Variants in RABGAP1L observed in about 807,000 individuals in gnomAD.
RABGAP1L encodes RAB GTPase activating protein 1 like.
Under a neutral mutation model 137.7 loss-of-function variants are expected in RABGAP1L, and 63 were observed. The observed-to-expected ratio is 0.46, with a 90% CI of 0.37 to 0.56. RABGAP1L has a LOEUF of 0.56. Ranked by LOEUF, RABGAP1L falls within the 20% of genes least tolerant of loss-of-function variation. The probability of loss-of-function intolerance (pLI) is 0.00; values close to 1 mark genes in which losing one functional copy is unlikely to be tolerated. For missense variants in RABGAP1L, 1,095 were observed against 1,244.0 expected (o/e 0.88, Z 1.80); for synonymous variants, 431 against 433.7 (o/e 0.99, Z 0.08).
chr1:174,874,578 CTTTTTTTTTT>C (rs10530813), intron 19 of RABGAP1L: 411 of 232,798 alleles, frequency 1.8e-3, no homozygotes, highest in Non-Finnish European at 2.0e-3. Context: ...ACACCACTGC[CTTTTTTTTTT>C]TTTTTTTTTT....
chr1:174,451,325 A>C lies in RABGAP1L; in HGVS notation c.1710+57180A>C, dbSNP rs146491238. Among the ~76,000 whole-genome samples, 865 of 152,342 alleles carry C rather than the reference A, an allele frequency of 5.7e-3. 4 individuals are homozygous for C. The highest frequency in any genetic ancestry group is 0.013 in the South Asian group (63 of 4,828). On this transcript the variant is annotated intron_variant, in intron 13 of 25. Coordinates refer to ENST00000681986, the MANE Select transcript of RABGAP1L (RefSeq NM_001366446.1). ...ATTTCTTTAAGGTATAAATATAGTT[A>C]GAAAGGACCCAGTGGATTCTGTGTA...
At chr1:174,329,050 A>C (rs528118405) in intron 11 of RABGAP1L, among the ~76,000 whole-genome samples, 47 of 151,102 alleles carry the variant, frequency 3.1e-4, no homozygotes, top group Admixed American at 5.9e-4. Flanking sequence ...AAAAAAAAAA[A>C]CCCAGGAAAC....
chr1:174,780,839 C>T (rs536712800), intron 18 of RABGAP1L, among the ~76,000 whole-genome samples: 13 of 147,708 alleles, frequency 8.8e-5, no homozygotes, highest in South Asian at 4.3e-4. Flanking sequence ...TTTGTTCTTG[C>T]GACAGTTTGC....
chr1:174,821,353 AATG>A (rs139730875), intron 19 of RABGAP1L, among the ~76,000 whole-genome samples: 486 of 152,286 alleles, frequency 3.2e-3, no homozygotes, highest in African/African-American at 0.011. Flanking sequence ...GGTAGCTACC[AATG>A]ATAAGATGTT....
intron 14 of RABGAP1L, among the ~76,000 whole-genome samples, chr1:174,672,782 A>G (rs333438): frequency 0.37 from 56,065 of 151,926 alleles, 13,555 homozygotes; most frequent in African/African-American, 0.69. Flanking sequence ...TCCTCCTGTT[A>G]CTGATTTCTA....
At chr1:174,456,208 A>G (rs1255845851) in intron 13 of RABGAP1L, among the ~76,000 whole-genome samples, 1 of 152,072 alleles carries the variant, frequency 6.6e-6, no homozygotes, top group African/African-American at 2.4e-5. Flanking sequence ...CAGTGTTTTA[A>G]TATTTCTTTT....
chr1:174,508,868 G>A (rs1662073636), intron 13 of RABGAP1L, among the ~76,000 whole-genome samples: 1 of 151,816 alleles, frequency 6.6e-6, no homozygotes, highest in South Asian at 2.1e-4. Flanking sequence ...TATTGTTTCT[G>A]TATAATAAGC....
At chr1:174,750,245 G>A (rs548890854) in intron 17 of RABGAP1L, among the ~76,000 whole-genome samples, 2 of 152,166 alleles carry the variant, frequency 1.3e-5, no homozygotes, top group African/African-American at 2.4e-5. Flanking sequence ...GGTGTTTGCT[G>A]TCTGTCTTAG....
intron 17 of RABGAP1L, among the ~76,000 whole-genome samples, chr1:174,712,382 C>T (rs1272819579): frequency 6.6e-6 from 1 of 152,118 alleles, no homozygotes; most frequent in African/African-American, 2.4e-5. Context: ...AGTGAGACCA[C>T]GAACCCACTG....
chr1:174,236,531 G>A (rs1171711031), intron 4 of RABGAP1L, among the ~76,000 whole-genome samples: 1 of 150,806 alleles, frequency 6.6e-6, no homozygotes, highest in East Asian at 1.9e-4. Flanking sequence ...TATGTACCCA[G>A]TAGTCATTCA....
intron 1 of RABGAP1L, among the ~76,000 whole-genome samples, chr1:174,174,881 G>T (rs959923933): frequency 6.6e-6 from 1 of 152,176 alleles, no homozygotes; most frequent in African/African-American, 2.4e-5. Flanking sequence ...TCAAATGGCA[G>T]TCTCTTTGGG....
chr1:174,493,051 G>C (rs1660411211), intron 13 of RABGAP1L, among the ~76,000 whole-genome samples: 1 of 151,104 alleles, frequency 6.6e-6, no homozygotes, highest in Non-Finnish European at 1.5e-5. Context: ...CCCAGGCTTG[G>C]CATAATGTAT....
chr1:174,687,273 G>A lies in RABGAP1L; in HGVS notation c.1899+3677G>A, dbSNP rs560408423. ...AGCCTTTGTGAACTCCAACAAGATAGCTTCCAGTGTATGTTACAAGAGAGA... is the reference window on the plus strand; with the variant it reads ...AGCCTTTGTGAACTCCAACAAGATAACTTCCAGTGTATGTTACAAGAGAGA... On this transcript the variant is annotated intron_variant, in intron 15 of 25. Transcript: ENST00000681986. 4.6e-5 allele frequency among the ~76,000 whole-genome samples: 7 copies of A among 152,186 alleles called. No individual in the cohort carries two copies. In the South Asian group the frequency reaches 1.5e-3, roughly 32 times the overall value.
At chr1:174,356,768 GGGAATGTGTTTTT>G in intron 11 of RABGAP1L, among the ~76,000 whole-genome samples, 1 of 152,074 alleles carries the variant, frequency 6.6e-6, no homozygotes, top group Non-Finnish European at 1.5e-5. Context: ...AAAACAAACT[GGGAATGTGTTTTT>G]AGTTACCTTT....
chr1:174,183,188 A>T (rs933151833), intron 1 of RABGAP1L, among the ~76,000 whole-genome samples: 1 of 152,236 alleles, frequency 6.6e-6, no homozygotes, highest in Non-Finnish European at 1.5e-5. Context: ...TACAATTTGT[A>T]TATTTTCTTG....
intron 11 of RABGAP1L, among the ~76,000 whole-genome samples, chr1:174,326,833 T>G (rs1456278001): frequency 6.6e-6 from 1 of 152,158 alleles, no homozygotes; most frequent in Non-Finnish European, 1.5e-5. Flanking sequence ...TAAGGGAATT[T>G]CCATACTCCT....
chr1:174,885,650 C>G (rs751153905), intron 19 of RABGAP1L, among the ~76,000 whole-genome samples: 3 of 152,092 alleles, frequency 2.0e-5, no homozygotes, highest in Non-Finnish European at 4.4e-5. Context: ...GCTACCACAC[C>G]TGGCCTGGTT....
rs1167500004 is a variant in RABGAP1L at position 174,237,446 on chromosome 1, G to A, written c.543-4037G>A. 5.0e-3 allele frequency among the ~76,000 whole-genome samples: 363 copies of A among 73,250 alleles called. 2 individuals are homozygous for A. Among genetic ancestry groups the A allele is most frequent in the African/African-American group, 0.019 (334 of 17,374 alleles). 48.1% of individuals were successfully genotyped at this position (73,250 alleles called of 152,430 possible). On this transcript the variant is annotated intron_variant, in intron 4 of 25. Coordinates refer to ENST00000681986, the MANE Select transcript of RABGAP1L (RefSeq NM_001366446.1). ...TCCATGTTTAGCGCTTCCTTCAGGA[G>A]CTCTTTTAGGGCAGGCCTGGTGGTG...
chr1:174,855,074 T>C (rs1649075386), intron 19 of RABGAP1L, among the ~76,000 whole-genome samples: 1 of 152,026 alleles, frequency 6.6e-6, no homozygotes, highest in Admixed American at 6.6e-5. Flanking sequence ...CTTTCTTTCC[T>C]ATGTAAACCC....
Sources: allele counts gnomAD v4.1 joint callset (sites outside exome capture counted in the v4.1 genomes callset), GRCh38; gene constraint gnomAD v4.1.1; transcripts MANE v1.5; gene names NCBI Gene and HGNC (gene_info 2026-07-23, HGNC 2026-07-21).